The following SAMD12 variants were observed in gnomAD, a reference collection of about 807,000 sequenced individuals.
SAMD12 encodes the protein sterile alpha motif domain containing 12.
A neutral mutation model predicts 15.0 loss-of-function variants in SAMD12; 9 were observed. That is an observed-to-expected ratio of 0.60 (90% CI 0.36 to 1.05). The LOEUF (loss-of-function observed/expected upper bound fraction) is 1.05. Ranked by LOEUF, SAMD12 falls within the 50% of genes least tolerant of loss-of-function variation. The pLI, the probability that SAMD12 is intolerant of heterozygous loss-of-function variation, is 0.01. For synonymous variants in SAMD12, 86 were observed against 90.1 expected (o/e 0.96, Z 0.25); for missense variants, 230 against 234.2 (o/e 0.98, Z 0.12).
the SAMD12 span, among the ~76,000 whole-genome samples, chr8:118,163,087 G>A: frequency 6.6e-6 from 1 of 152,130 alleles, no homozygotes; most frequent in African/African-American, 2.4e-5. Flanking sequence ...CAGATGGAAA[G>A]GTAGTTTGTA....
chr8:118,520,479 A>C (rs756178671), intron 2 of SAMD12, among the ~76,000 whole-genome samples: 3 of 152,186 alleles, frequency 2.0e-5, no homozygotes, highest in Non-Finnish European at 4.4e-5. Context: ...TAAAGCGGGT[A>C]AAAAAGATAA....
chr8:118,236,297 A>G (rs912218518), intron 4 of SAMD12, among the ~76,000 whole-genome samples: 3 of 152,206 alleles, frequency 2.0e-5, no homozygotes, highest in East Asian at 1.9e-4. Flanking sequence ...TCATAGCATT[A>G]GAGCAATTAC....
intron 4 of SAMD12, among the ~76,000 whole-genome samples, chr8:118,336,715 C>G (rs1336469686): frequency 2.6e-5 from 4 of 152,178 alleles, no homozygotes; most frequent in African/African-American, 9.7e-5. Context: ...GATTGCCATT[C>G]TAATTACTGT....
intron 2 of SAMD12, among the ~76,000 whole-genome samples, chr8:118,491,766 G>C (rs1030798369): frequency 6.6e-6 from 1 of 152,006 alleles, no homozygotes; most frequent in African/African-American, 2.4e-5. Flanking sequence ...TCATATTGTT[G>C]TATATATAAC....
chr8:118,420,581 C>T (rs773879822), intron 3 of SAMD12, among the ~76,000 whole-genome samples: 6 of 152,012 alleles, frequency 3.9e-5, no homozygotes, highest in African/African-American at 1.5e-4. Context: ...AGGTATGATG[C>T]CATTCTTAGA....
chr8:118,134,193 C>T, the SAMD12 span, among the ~76,000 whole-genome samples: 17 of 152,234 alleles, frequency 1.1e-4, no homozygotes, highest in South Asian at 6.2e-4. Flanking sequence ...TGGCAGCTTC[C>T]GGGTCTCATC....
At chr8:118,320,567 TA>T (rs1272037863) in intron 4 of SAMD12, among the ~76,000 whole-genome samples, 2 of 140,638 alleles carry the variant, frequency 1.4e-5, no homozygotes, top group Non-Finnish European at 3.0e-5. Context: ...AATAGTTTTT[TA>T]AAAAAACCAA....
At chr8:118,548,417 ACACACACC>A (rs1563576387) in intron 2 of SAMD12, among the ~76,000 whole-genome samples, 2 of 129,908 alleles carry the variant, frequency 1.5e-5, no homozygotes, top group African/African-American at 6.1e-5. Flanking sequence ...ACACACACAC[ACACACACC>A]CCATGTGATG....
intron 2 of SAMD12, among the ~76,000 whole-genome samples, chr8:118,552,756 T>C (rs1330020547): frequency 6.6e-6 from 1 of 152,202 alleles, no homozygotes; most frequent in Non-Finnish European, 1.5e-5. Flanking sequence ...TGTTCACAGA[T>C]GACATGATTG....
At chr8:118,357,942 G>A (rs1220950194) in intron 4 of SAMD12, among the ~76,000 whole-genome samples, 1 of 152,072 alleles carries the variant, frequency 6.6e-6, no homozygotes, top group Non-Finnish European at 1.5e-5. Context: ...GCCCATGTTT[G>A]AGACCAGTGT....
At chr8:118,381,703 C>T (rs1451312979) in intron 3 of SAMD12, among the ~76,000 whole-genome samples, 4 of 152,174 alleles carry the variant, frequency 2.6e-5, no homozygotes, top group Admixed American at 2.6e-4. Flanking sequence ...ATCTCCCACA[C>T]CCCATAGAAA....
intron 2 of SAMD12, among the ~76,000 whole-genome samples, chr8:118,451,584 G>A (rs1408345986): frequency 6.6e-6 from 1 of 152,196 alleles, no homozygotes; most frequent in Admixed American, 6.5e-5. Context: ...TGTTTTATTT[G>A]GATCATTTTA....
chr8:118,136,512 G>GT, the SAMD12 span, among the ~76,000 whole-genome samples: 8,922 of 152,268 alleles, frequency 0.059, 445 homozygotes, highest in Admixed American at 0.14. Context: ...TATTTCCCTG[G>GT]TGTTCACCAT....
intron 2 of SAMD12, among the ~76,000 whole-genome samples, chr8:118,510,256 A>G (rs1266515570): frequency 6.6e-6 from 1 of 151,166 alleles, no homozygotes; most frequent in Non-Finnish European, 1.5e-5. Flanking sequence ...ACATGCATGC[A>G]CACACACACA....
At chr8:118,547,945 A>C (rs1481442376) in intron 2 of SAMD12, among the ~76,000 whole-genome samples, 1 of 152,206 alleles carries the variant, frequency 6.6e-6, no homozygotes, top group Non-Finnish European at 1.5e-5. Flanking sequence ...AGAGGGGTAC[A>C]TGTAACACAC....
chr8:118,598,293 G>A (rs1827772681), intron 1 of SAMD12, among the ~76,000 whole-genome samples: 1 of 152,166 alleles, frequency 6.6e-6, no homozygotes, highest in Admixed American at 6.6e-5. Context: ...GGCCTTTAAA[G>A]GGCTATTTAA....
the SAMD12 span, among the ~76,000 whole-genome samples, chr8:118,145,815 G>T: frequency 4.7e-4 from 72 of 152,318 alleles, 1 homozygote; most frequent in South Asian, 0.015. Flanking sequence ...AAGGAGTCCT[G>T]AGTTGGCCCT....
chr8:118,553,397 T>G (rs1258144000), intron 2 of SAMD12, among the ~76,000 whole-genome samples: 1 of 151,998 alleles, frequency 6.6e-6, no homozygotes, highest in African/African-American at 2.4e-5. Flanking sequence ...AACTATCTGA[T>G]CTTTGACAAA....
the SAMD12 span, among the ~76,000 whole-genome samples, chr8:118,170,002 T>C: frequency 6.6e-6 from 1 of 152,208 alleles, no homozygotes. Flanking sequence ...GTGGGCTGCA[T>C]TGAGCCATGG....
Sources: gnomAD v4.1 joint callset for allele counts (sites outside exome capture counted in the v4.1 genomes callset) on GRCh38, gnomAD v4.1.1 for gene constraint, MANE v1.5 for transcripts, NCBI Gene and HGNC (gene_info 2026-07-23, HGNC 2026-07-21) for gene names.